Variants in KIFAP3 observed in about 807,000 individuals in gnomAD.
KIFAP3 encodes kinesin associated protein 3, also known as kinesin-associated protein 3.
Under a neutral mutation model 106.5 loss-of-function variants are expected in KIFAP3, and 68 were observed. The ratio of observed to expected loss-of-function variants is 0.64; its 90% CI spans 0.53 to 0.78. The LOEUF (loss-of-function observed/expected upper bound fraction) is 0.78, where lower values mean the gene tolerates loss of function less well. KIFAP3 is among the 30% of genes least tolerant of loss of function. KIFAP3 has a pLI of 0.00. For synonymous variants in KIFAP3, 320 were observed against 311.5 expected, an observed-to-expected ratio of 1.03 and a Z score of -0.29; for missense variants, 780 against 941.8, an observed-to-expected ratio of 0.83 and a Z score of 2.25.
At chr1:170,063,348 A>C (rs1671278767) in intron 1 of KIFAP3, among the ~76,000 whole-genome samples, 1 of 152,166 alleles carries the variant, frequency 6.6e-6, no homozygotes, top group Non-Finnish European at 1.5e-5. Context: ...CCTGTGACTC[A>C]CACCACTGAA....
intron 11 of KIFAP3, among the ~76,000 whole-genome samples, 191 bp downstream of exon 11, chr1:169,991,964 C>T (rs1667128193): frequency 6.6e-6 from 1 of 151,886 alleles, no homozygotes; most frequent in African/African-American, 2.4e-5. Flanking sequence ...ATAGTTATCT[C>T]TAAGTTTGGG....
intron 10 of KIFAP3, among the ~76,000 whole-genome samples, chr1:170,015,958 G>A (rs564349611): frequency 2.0e-5 from 3 of 152,168 alleles, no homozygotes; most frequent in African/African-American, 7.2e-5. Flanking sequence ...AGAGGCTGAG[G>A]TGGGAGGATC....
intron 2 of KIFAP3, among the ~76,000 whole-genome samples, chr1:170,052,384 T>C (rs1244122992): frequency 6.6e-6 from 1 of 152,080 alleles, no homozygotes; most frequent in Non-Finnish European, 1.5e-5. Flanking sequence ...CAGGAACAGA[T>C]GGATTCACTG....
intron 1 of KIFAP3, chr1:170,068,198 C>T (rs1671538262): frequency 6.6e-6 from 1 of 151,842 alleles, no homozygotes; most frequent in South Asian, 2.1e-4. Flanking sequence ...CATTCTCATT[C>T]TCACAATAAA....
At chr1:169,996,469 T>C (rs908684905) in intron 10 of KIFAP3, among the ~76,000 whole-genome samples, 1 of 152,216 alleles carries the variant, frequency 6.6e-6, no homozygotes, top group African/African-American at 2.4e-5. Context: ...TCCTATTGCA[T>C]GTTCAACATA....
chr1:170,030,574 T>G (rs1381596186), intron 8 of KIFAP3, among the ~76,000 whole-genome samples: 3 of 151,846 alleles, frequency 2.0e-5, no homozygotes, highest in Admixed American at 2.0e-4. Flanking sequence ...AATATTCTAA[T>G]GATCATCAAC....
intron 19 of KIFAP3, among the ~76,000 whole-genome samples, chr1:169,924,651 G>A (rs910151738): frequency 6.6e-6 from 1 of 152,074 alleles, no homozygotes; most frequent in Non-Finnish European, 1.5e-5. Context: ...CTAATATAGT[G>A]GGGGAAATCA....
chr1:170,070,718 A>G (rs986931487), intron 1 of KIFAP3, among the ~76,000 whole-genome samples: 4 of 152,212 alleles, frequency 2.6e-5, no homozygotes, highest in African/African-American at 4.8e-5. Context: ...TAAAACTCTT[A>G]GAAGAAAACA....
chr1:169,957,340 T>C (rs1665072516), intron 18 of KIFAP3, among the ~76,000 whole-genome samples: 1 of 152,148 alleles, frequency 6.6e-6, no homozygotes. Context: ...AGTACTCAAT[T>C]ATATAAAACC....
intron 8 of KIFAP3, 69 bp from the exon 9 acceptor site, chr1:170,024,665 T>C (rs766617297): frequency 5.5e-5 from 54 of 990,710 alleles, no homozygotes; most frequent in Non-Finnish European, 7.2e-5. Flanking sequence ...AAATCATTTC[T>C]ACTCACCAAG....
chr1:169,997,741 G>A (rs1243273961), intron 10 of KIFAP3, among the ~76,000 whole-genome samples: 1 of 151,676 alleles, frequency 6.6e-6, no homozygotes, highest in Non-Finnish European at 1.5e-5. Context: ...ATGATGGCAG[G>A]TGCCTATAAT....
At chr1:170,065,858 T>C (rs1237423851) in intron 1 of KIFAP3, among the ~76,000 whole-genome samples, 13 of 152,314 alleles carry the variant, frequency 8.5e-5, no homozygotes, top group Admixed American at 8.5e-4. Flanking sequence ...CTGTAAGTCA[T>C]TTCCATCAGG....
At chr1:169,930,543 T>C (rs2101781578) in intron 19 of KIFAP3, among the ~76,000 whole-genome samples, 1 of 152,374 alleles carries the variant, frequency 6.6e-6, no homozygotes, top group East Asian at 1.9e-4. Context: ...TTGTGACTTC[T>C]CTTTCACATG....
intron 8 of KIFAP3, among the ~76,000 whole-genome samples, chr1:170,030,718 A>T (rs947606637): frequency 1.2e-4 from 18 of 151,976 alleles, no homozygotes; most frequent in African/African-American, 2.6e-4. Context: ...TCATTTATAT[A>T]AAACTCTAGA....
At chr1:170,059,135 T>C (rs12131206) in intron 1 of KIFAP3, among the ~76,000 whole-genome samples, 10,884 of 151,788 alleles carry the variant, frequency 0.072, 435 homozygotes, top group Non-Finnish European at 0.096. Context: ...CAAACACATT[T>C]AAAAGCTAGC....
chr1:170,022,358 G>A (rs78228370), intron 9 of KIFAP3, among the ~76,000 whole-genome samples: 9,589 of 151,872 alleles, frequency 0.063, 385 homozygotes, highest in Non-Finnish European at 0.095. Flanking sequence ...TCAGCCTTTA[G>A]TTGCACCTTT....
chr1:170,008,324 G>A (rs1481610893), intron 10 of KIFAP3, among the ~76,000 whole-genome samples: 2 of 151,522 alleles, frequency 1.3e-5, no homozygotes, highest in African/African-American at 2.4e-5. Flanking sequence ...TCATCAGAGT[G>A]AACAGGCAAC....
intron 10 of KIFAP3, among the ~76,000 whole-genome samples, chr1:169,998,397 TATACAC>T (rs1319497956): frequency 0.023 from 1,828 of 77,808 alleles, 30 homozygotes; most frequent in African/African-American, 0.096. Flanking sequence ...TATATATATA[TATACAC>T]ACACACACAC....
chr1:169,998,039 A>G (rs1156767930), intron 10 of KIFAP3, among the ~76,000 whole-genome samples: 3 of 149,022 alleles, frequency 2.0e-5, no homozygotes, highest in African/African-American at 4.9e-5. Flanking sequence ...CCTTAATGGA[A>G]AAAAAAAAAA....
Sources: allele counts gnomAD v4.1 joint callset (sites outside exome capture counted in the v4.1 genomes callset), GRCh38; gene constraint gnomAD v4.1.1; transcripts MANE v1.5; gene names NCBI Gene and HGNC (gene_info 2026-07-23, HGNC 2026-07-21).